TMCC1: variants seen among roughly 807,000 people sequenced by gnomAD.
The protein encoded by TMCC1 is transmembrane and coiled-coil domains protein 1.
A neutral mutation model predicts 52.4 loss-of-function variants in TMCC1; 15 were observed. That is an observed-to-expected ratio of 0.29 (90% confidence interval 0.19 to 0.44). TMCC1 has a LOEUF of 0.44. Ranked by LOEUF, TMCC1 falls within the 20% of genes least tolerant of loss-of-function variation. The pLI is 1.00. For missense variants in TMCC1, 503 were observed against 806.0 expected (o/e 0.62, Z 4.55); for synonymous variants, 279 against 301.9 (o/e 0.92, Z 0.79).
intron 4 of TMCC1, among the ~76,000 whole-genome samples, chr3:129,827,264 C>A (rs956717144): frequency 2.7e-5 from 4 of 147,510 alleles, no homozygotes; most frequent in Non-Finnish European, 5.9e-5. Context: ...TTTGGGTAAA[C>A]CCAAAACAAT....
intron 4 of TMCC1, among the ~76,000 whole-genome samples, chr3:129,701,133 T>C (rs889654634): frequency 1.3e-5 from 2 of 152,236 alleles, no homozygotes; most frequent in Admixed American, 6.5e-5. Context: ...TTGATGCTGA[T>C]ATCTGATGAC....
chr3:129,819,763 G>A (rs1398756068), intron 4 of TMCC1: 2 of 152,104 alleles, frequency 1.3e-5, no homozygotes, highest in African/African-American at 2.4e-5. Context: ...ATTATGATGT[G>A]AATGAATAAC....
intron 4 of TMCC1, among the ~76,000 whole-genome samples, chr3:129,802,126 A>T (rs1018207796): frequency 6.6e-6 from 1 of 152,202 alleles, no homozygotes; most frequent in South Asian, 2.1e-4. Context: ...TTGTCTTGGG[A>T]TTAATATGTA....
chr3:129,653,271 T>C (rs1052846396), intron 6 of TMCC1, among the ~76,000 whole-genome samples: 2 of 152,238 alleles, frequency 1.3e-5, no homozygotes, highest in African/African-American at 4.8e-5. Flanking sequence ...GAACATTCTT[T>C]GAACATGCTT....
intron 2 of TMCC1, among the ~76,000 whole-genome samples, chr3:129,859,949 C>T (rs761149618): frequency 1.3e-5 from 2 of 152,116 alleles, no homozygotes; most frequent in African/African-American, 4.8e-5. Context: ...TATCTCACTA[C>T]ATCAGATAAT....
intron 2 of TMCC1, among the ~76,000 whole-genome samples, chr3:129,876,286 C>CAAAGAAA (rs2061208052): frequency 1.1e-5 from 1 of 90,988 alleles, no homozygotes. Context: ...ATGCCTGGCT[C>CAAAGAAA]AAAAAAAAAA....
At chr3:129,891,203 T>C (rs2061950548) in intron 1 of TMCC1, among the ~76,000 whole-genome samples, 1 of 152,196 alleles carries the variant, frequency 6.6e-6, no homozygotes, top group South Asian at 2.1e-4. Context: ...CTTTCAGTCA[T>C]TCACTTGTCA....
At chr3:129,851,732 T>A (rs1204704229) in intron 2 of TMCC1, among the ~76,000 whole-genome samples, 1 of 152,224 alleles carries the variant, frequency 6.6e-6, no homozygotes, top group Non-Finnish European at 1.5e-5. Context: ...ATTCTACTTC[T>A]GGGTACATAT....
chr3:129,879,244 C>T (rs1201021753), intron 2 of TMCC1, among the ~76,000 whole-genome samples: 1 of 152,138 alleles, frequency 6.6e-6, no homozygotes, highest in Admixed American at 6.6e-5. Flanking sequence ...AGTTCGAGAC[C>T]AGCATGGGCA....
chr3:129,766,223 C>G (rs1426486100), intron 4 of TMCC1, among the ~76,000 whole-genome samples: 1 of 152,112 alleles, frequency 6.6e-6, no homozygotes, highest in Non-Finnish European at 1.5e-5. Context: ...CCTGTATGAG[C>G]CAGAATTGTT....
At chr3:129,706,593 G>A (rs2048262121) in intron 4 of TMCC1, among the ~76,000 whole-genome samples, 1 of 152,134 alleles carries the variant, frequency 6.6e-6, no homozygotes, top group Non-Finnish European at 1.5e-5. Flanking sequence ...TGAGCTTTCT[G>A]TACTCCATCT....
At chr3:129,857,410 T>C (rs2060189430) in intron 2 of TMCC1, 2 of 152,166 alleles carry the variant, frequency 1.3e-5, no homozygotes, top group African/African-American at 4.8e-5. Flanking sequence ...GACTGCCTAA[T>C]TGTGAACAAA....
chr3:129,691,007 T>C (rs1315218704), intron 4 of TMCC1, among the ~76,000 whole-genome samples: 4 of 152,204 alleles, frequency 2.6e-5, no homozygotes, highest in African/African-American at 9.6e-5. Flanking sequence ...AGTAGGACTT[T>C]AGTTTTGCTG....
intron 4 of TMCC1, among the ~76,000 whole-genome samples, chr3:129,792,202 A>G (rs1286776226): frequency 6.7e-6 from 1 of 150,308 alleles, no homozygotes; most frequent in East Asian, 1.9e-4. Context: ...ATATATATAT[A>G]CACATATATA....
intron 2 of TMCC1, among the ~76,000 whole-genome samples, chr3:129,875,972 A>C (rs1271252044): frequency 6.6e-6 from 1 of 152,160 alleles, no homozygotes; most frequent in Non-Finnish European, 1.5e-5. Flanking sequence ...CGTCTCTATT[A>C]AAAATACAAA....
At chr3:129,846,046 A>G (rs2059651118) in intron 2 of TMCC1, among the ~76,000 whole-genome samples, 1 of 152,176 alleles carries the variant, frequency 6.6e-6, no homozygotes, top group Non-Finnish European at 1.5e-5. Flanking sequence ...AAAAATAAAA[A>G]GAAAAAACAA....
intron 4 of TMCC1, among the ~76,000 whole-genome samples, chr3:129,692,609 C>A (rs570368783): frequency 6.6e-6 from 1 of 152,270 alleles, no homozygotes; most frequent in African/African-American, 2.4e-5. Flanking sequence ...GTGAGCTTTA[C>A]TAGTCTGCTA....
At chr3:129,806,184 T>C (rs2057453570) in intron 4 of TMCC1, among the ~76,000 whole-genome samples, 1 of 152,202 alleles carries the variant, frequency 6.6e-6, no homozygotes, top group African/African-American at 2.4e-5. Flanking sequence ...AAGCATGGAT[T>C]AAACGCGGAG....
intron 4 of TMCC1, among the ~76,000 whole-genome samples, chr3:129,741,436 T>C (rs2051448978): frequency 6.6e-6 from 1 of 152,156 alleles, no homozygotes; most frequent in Admixed American, 6.5e-5. Flanking sequence ...GTCCTGCATA[T>C]GTTAGAGCCT....
Sources: gnomAD v4.1 joint callset for allele counts (sites outside exome capture counted in the v4.1 genomes callset) on GRCh38, gnomAD v4.1.1 for gene constraint, MANE v1.5 for transcripts, NCBI Gene and HGNC (gene_info 2026-07-23, HGNC 2026-07-21) for gene names.